Variants in SBF2 observed in about 807,000 individuals in gnomAD.
SBF2 encodes myotubularin-related protein 13.
SBF2 carries 112 observed loss-of-function variants against 225.2 expected under a neutral mutation model. That is an observed-to-expected ratio of 0.50 (90% CI 0.43 to 0.58). The LOEUF (loss-of-function observed/expected upper bound fraction) is 0.58, where lower values mean the gene tolerates loss of function less well. Ranked by LOEUF, SBF2 falls within the 20% of genes least tolerant of loss-of-function variation. The pLI, the probability that SBF2 is intolerant of heterozygous loss-of-function variation, is 0.00. For synonymous variants in SBF2, 763 were observed against 773.3 expected (o/e 0.99, Z 0.22); for missense variants, 1,996 against 2,206.2 (o/e 0.90, Z 1.91).
At chr11:10,215,236 C>G (rs1164528431) in intron 1 of SBF2, among the ~76,000 whole-genome samples, 1 of 152,104 alleles carries the variant, frequency 6.6e-6, no homozygotes, top group African/African-American at 2.4e-5. Context: ...GTCCAGAAAA[C>G]AAAGCAGCCT....
intron 10 of SBF2, among the ~76,000 whole-genome samples, chr11:9,993,588 T>C (rs528816297): frequency 6.6e-6 from 1 of 152,376 alleles, no homozygotes; most frequent in African/African-American, 2.4e-5. Context: ...GCATCTCTTT[T>C]GTTTTGAATC....
chr11:9,839,723 G>A, intron 25 of SBF2, 27 bp from the exon 26 acceptor site: 1 of 1,599,136 alleles, frequency 6.3e-7, no homozygotes, highest in South Asian at 1.1e-5. Flanking sequence ...AGATATCGAA[G>A]AAATGATTAG....
chr11:10,039,000 T>G (rs2134666587), intron 3 of SBF2, among the ~76,000 whole-genome samples: 1 of 152,018 alleles, frequency 6.6e-6, no homozygotes, highest in African/African-American at 2.4e-5. Context: ...ATTACCTAGT[T>G]GAGTAATTTT....
At chr11:9,908,484 A>G (rs113875428) in intron 16 of SBF2, among the ~76,000 whole-genome samples, 2,271 of 152,170 alleles carry the variant, frequency 0.015, 47 homozygotes, top group African/African-American at 0.051. Flanking sequence ...AAAATTAGCC[A>G]GGCGTGGTGG....
At chr11:10,170,002 T>C (rs1475423878) in intron 2 of SBF2, among the ~76,000 whole-genome samples, 2 of 152,204 alleles carry the variant, frequency 1.3e-5, no homozygotes, top group African/African-American at 4.8e-5. Context: ...TCTATTCAGA[T>C]CTTTTGCCCA....
chr11:10,295,687 C>A (rs1964495631), upstream of SBF2, among the ~76,000 whole-genome samples: 1 of 151,974 alleles, frequency 6.6e-6, no homozygotes, highest in Non-Finnish European at 1.5e-5. Context: ...AAAAAGTAAT[C>A]TTACTTCCTT....
chr11:10,048,765 G>C (rs2134704192), intron 2 of SBF2, among the ~76,000 whole-genome samples: 1 of 151,062 alleles, frequency 6.6e-6, no homozygotes, highest in East Asian at 1.9e-4. Flanking sequence ...ATAGTGACAT[G>C]TGTCAATATT....
intron 1 of SBF2, among the ~76,000 whole-genome samples, chr11:10,226,979 A>G (rs1958594513): frequency 1.3e-5 from 2 of 152,154 alleles, no homozygotes; most frequent in Admixed American, 6.6e-5. Flanking sequence ...CATCCTCTCC[A>G]GCACCTGTTG....
At chr11:9,795,686 C>A in intron 33 of SBF2, 145 bp downstream of exon 33, 1 of 945,200 alleles carries the variant, frequency 1.1e-6, no homozygotes, top group South Asian at 1.5e-5. Context: ...AGAATTTGGC[C>A]ACTTATCCAC....
intron 29 of SBF2, among the ~76,000 whole-genome samples, chr11:9,814,964 G>T (rs1323828603): frequency 2.6e-5 from 4 of 152,058 alleles, no homozygotes; most frequent in African/African-American, 9.7e-5. Flanking sequence ...ATGTTTCTTT[G>T]TTGGGAGAAA....
At chr11:10,244,711 G>A (rs72850423) in intron 1 of SBF2, among the ~76,000 whole-genome samples, 8,160 of 152,126 alleles carry the variant, frequency 0.054, 303 homozygotes, top group Middle Eastern at 0.14. Flanking sequence ...AACATCCAAG[G>A]AAACAATAAA....
At chr11:9,896,566 C>T (rs1244977977) in intron 16 of SBF2, among the ~76,000 whole-genome samples, 5 of 152,010 alleles carry the variant, frequency 3.3e-5, no homozygotes, top group Admixed American at 3.3e-4. Flanking sequence ...CTGAGGCGGG[C>T]AGATCACCTG....
chr11:9,929,894 G>T (rs371707312), intron 16 of SBF2, among the ~76,000 whole-genome samples: 1 of 152,134 alleles, frequency 6.6e-6, no homozygotes, highest in African/African-American at 2.4e-5. Flanking sequence ...AAAATGTGTT[G>T]ATTGTAACGG....
intron 2 of SBF2, among the ~76,000 whole-genome samples, chr11:10,120,161 C>T (rs1316435803): frequency 1.3e-5 from 2 of 152,166 alleles, no homozygotes; most frequent in African/African-American, 2.4e-5. Flanking sequence ...CTTTAGAGAC[C>T]TGTTATAAAT....
chr11:10,272,353 A>G (rs1962556857), intron 1 of SBF2: 2 of 579,478 alleles, frequency 3.5e-6, no homozygotes, highest in Non-Finnish European at 5.7e-6. Context: ...CTTACTTGCT[A>G]GTTACCAGTT....
At chr11:9,857,648 C>T (rs968524892) in intron 18 of SBF2, among the ~76,000 whole-genome samples, 1 of 152,000 alleles carries the variant, frequency 6.6e-6, no homozygotes, top group African/African-American at 2.4e-5. Flanking sequence ...ATGACTTGCC[C>T]CAAACCAGAG....
chr11:9,918,431 C>A lies in SBF2; in HGVS notation c.1861-22420G>T, dbSNP rs185185248. Among the ~76,000 whole-genome samples the A allele has an allele frequency of 1.4e-3, 209 of 152,178 alleles. 3 individuals carry two copies. Among genetic ancestry groups the A allele is most frequent in the Admixed American group, 0.012 (180 of 15,278 alleles). Reference sequence around the variant, plus strand: ...GCAGTGGCACAATCATGGCTCACTGCAGCCTTGAACCTCCCAGGCTGAAGC... The same window carrying A: ...GCAGTGGCACAATCATGGCTCACTGAAGCCTTGAACCTCCCAGGCTGAAGC... On this transcript the variant is annotated intron_variant, in intron 16 of 39. Coordinates refer to ENST00000256190, the MANE Select transcript of SBF2 (RefSeq NM_030962.4).
chr11:10,265,872 TGTGC>T (rs914542684), intron 1 of SBF2, among the ~76,000 whole-genome samples: 4 of 151,336 alleles, frequency 2.6e-5, no homozygotes, highest in African/African-American at 7.3e-5. Context: ...TGTGTGTGTG[TGTGC>T]GCGCGCGCAT....
At chr11:10,056,147 T>C (rs1950251172) in intron 2 of SBF2, among the ~76,000 whole-genome samples, 2 of 152,238 alleles carry the variant, frequency 1.3e-5, no homozygotes, top group South Asian at 4.1e-4. Flanking sequence ...ACTGTAGCCT[T>C]GCACTATAGT....
Sources: allele counts gnomAD v4.1 joint callset (sites outside exome capture counted in the v4.1 genomes callset), GRCh38; gene constraint gnomAD v4.1.1; transcripts MANE v1.5; gene names NCBI Gene and HGNC (gene_info 2026-07-23, HGNC 2026-07-21).